The following NEK4 variants were observed in gnomAD, a reference collection of about 807,000 sequenced individuals.
The protein encoded by NEK4 is NIMA related kinase 4.
NEK4 carries 86 observed loss-of-function variants against 98.4 expected under a neutral mutation model. The observed-to-expected ratio is 0.87, with a 90% confidence interval of 0.73 to 1.05. NEK4 has a LOEUF of 1.05. Ranked by LOEUF, NEK4 falls within the 50% of genes least tolerant of loss-of-function variation. The probability of loss-of-function intolerance (pLI) is 0.00; values close to 1 mark genes in which losing one functional copy is unlikely to be tolerated. For missense variants in NEK4, 898 were observed against 950.3 expected, an observed-to-expected ratio of 0.94 and a Z score of 0.72; for synonymous variants, 328 against 342.2, an observed-to-expected ratio of 0.96 and a Z score of 0.46.
intron 12 of NEK4, among the ~76,000 whole-genome samples, chr3:52,742,628 G>A (rs922238415): frequency 6.6e-6 from 1 of 152,150 alleles, no homozygotes; most frequent in Admixed American, 6.5e-5. Flanking sequence ...ATCATCTACA[G>A]GCAAGAAGGT....
intron 15 of NEK4, among the ~76,000 whole-genome samples, chr3:52,730,010 A>C (rs980619170): frequency 6.6e-6 from 1 of 152,186 alleles, no homozygotes; most frequent in African/African-American, 2.4e-5. Flanking sequence ...CGGGAGCCTG[A>C]GGCAGGAGAA....
At position 52,711,708 on chromosome 3, in the gene NEK4, C is replaced by T; in HGVS notation, c.*69G>A. 1.1e-6 allele frequency: 1 copy of T among 907,990 alleles called. No homozygotes were observed. The highest frequency in any genetic ancestry group is 1.8e-6 in the Non-Finnish European group (1 of 547,844). 56.2% of individuals were successfully genotyped at this position (907,990 alleles called of 1,614,324 possible). On this transcript the variant is annotated 3_prime_UTR_variant, in exon 16 of 16. Transcript: ENST00000233027. ...TGAGTGGCTTCCAAATGACTGTTTG[C>T]CCTTGCTTTTTAAGCCAAAATCCTC...
chr3:52,745,203 G>A (rs2097394009), intron 10 of NEK4, among the ~76,000 whole-genome samples: 2 of 151,912 alleles, frequency 1.3e-5, no homozygotes, highest in Non-Finnish European at 1.5e-5. Flanking sequence ...ACAGGCGTGA[G>A]CCACCGCACC....
chr3:52,738,056 A>C (rs1220620598), intron 14 of NEK4, among the ~76,000 whole-genome samples: 1 of 150,490 alleles, frequency 6.6e-6, no homozygotes, highest in Non-Finnish European at 1.5e-5. Flanking sequence ...CTCGTGACCC[A>C]CCCACCTCAG....
At chr3:52,754,422 T>C (rs572132631) in intron 6 of NEK4, 3 of 537,914 alleles carry the variant, frequency 5.6e-6, no homozygotes, top group Non-Finnish European at 7.5e-6. Flanking sequence ...GCTGCAATAC[T>C]GTATGAGAAA....
intron 15 of NEK4, among the ~76,000 whole-genome samples, chr3:52,722,192 G>A (rs1006817467): frequency 2.0e-5 from 3 of 152,142 alleles, no homozygotes; most frequent in African/African-American, 4.8e-5. Flanking sequence ...GACCACCCTC[G>A]CATCCCCTCT....
intron 12 of NEK4, 66 bp downstream of exon 12, chr3:52,743,286 G>T: frequency 8.2e-7 from 1 of 1,216,046 alleles, no homozygotes; most frequent in Non-Finnish European, 1.2e-6. Context: ...ACATTTAAAA[G>T]GTTTACTGCA....
chr3:52,760,777 C>T lies in NEK4; in HGVS notation c.963+18G>A. The T allele has an allele frequency of 6.3e-7, 1 of 1,584,368 alleles. No homozygotes were observed. Among genetic ancestry groups the T allele is most frequent in the Non-Finnish European group, 8.6e-7 (1 of 1,163,764 alleles). On this transcript the variant is annotated intron_variant, in intron 6 of 15. Transcript: ENST00000233027. ...AAGTGCAGTTTCTAAAACACATACC[C>T]TTTAAAAAGAAACGTACCATTATAT...
intron 8 of NEK4, among the ~76,000 whole-genome samples, chr3:52,749,415 G>C (rs958981743): frequency 6.6e-6 from 1 of 151,900 alleles, no homozygotes; most frequent in Non-Finnish European, 1.5e-5. Context: ...TTACAGGCGT[G>C]AGCCACCATT....
intron 15 of NEK4, among the ~76,000 whole-genome samples, chr3:52,734,381 C>T (rs953823558): frequency 1.4e-4 from 21 of 146,616 alleles, no homozygotes; most frequent in African/African-American, 3.5e-4. Flanking sequence ...ACCCAGGAGG[C>T]GGAGGTTGCG....
chr3:52,746,616 A>G, intron 9 of NEK4, 118 bp downstream of exon 9: 2 of 870,482 alleles, frequency 2.3e-6, no homozygotes, highest in Non-Finnish European at 3.6e-6. Context: ...TGCCATTGTC[A>G]CCCTTCTGTA....
intron 5 of NEK4, among the ~76,000 whole-genome samples, chr3:52,761,793 A>C (rs1698367135): frequency 6.6e-6 from 1 of 152,188 alleles, no homozygotes; most frequent in South Asian, 2.1e-4. Flanking sequence ...GTTAATTTTC[A>C]TTTTCAAATT....
intron 15 of NEK4, 30 bp from the exon 16 acceptor site, chr3:52,711,899 A>G (rs565831449): frequency 3.2e-6 from 4 of 1,251,804 alleles, no homozygotes; most frequent in East Asian, 2.4e-5. Flanking sequence ...AAAATCAATC[A>G]GTATGTAGTA....
chr3:52,728,655 A>G (rs2097366768), intron 15 of NEK4, among the ~76,000 whole-genome samples: 1 of 152,188 alleles, frequency 6.6e-6, no homozygotes, highest in African/African-American at 2.4e-5. Context: ...AGGGAAGACA[A>G]CCATAAGGTC....
At chr3:52,716,117 G>T (rs1280844207) in intron 15 of NEK4, among the ~76,000 whole-genome samples, 2 of 152,222 alleles carry the variant, frequency 1.3e-5, no homozygotes, top group Non-Finnish European at 2.9e-5. Flanking sequence ...CACAGTGGCT[G>T]GACCCCATGC....
intron 6 of NEK4, among the ~76,000 whole-genome samples, chr3:52,756,045 A>G (rs1403305214): frequency 1.3e-4 from 20 of 152,210 alleles, no homozygotes; most frequent in Admixed American, 1.0e-3. Context: ...TAAAGAAGAC[A>G]TAAATAAATG....
chr3:52,727,757 C>A (rs1314676160), intron 15 of NEK4, among the ~76,000 whole-genome samples: 1 of 152,234 alleles, frequency 6.6e-6, no homozygotes, highest in Admixed American at 6.5e-5. Context: ...AGGCATAAGC[C>A]ACTGTGCCCA....
intron 6 of NEK4, among the ~76,000 whole-genome samples, chr3:52,758,030 T>A (rs1348797319): frequency 1.3e-5 from 2 of 151,212 alleles, no homozygotes. Context: ...ACAAAAAAAA[T>A]TAGCCAGATG....
At chr3:52,770,029 T>C (rs1354940003) in intron 1 of NEK4, among the ~76,000 whole-genome samples, 1 of 152,058 alleles carries the variant, frequency 6.6e-6, no homozygotes, top group Admixed American at 6.6e-5. Context: ...GCAGTAGAGA[T>C]GAGAGGAGGC....
Sources: gnomAD v4.1 joint callset for allele counts (sites outside exome capture counted in the v4.1 genomes callset) on GRCh38, gnomAD v4.1.1 for gene constraint, MANE v1.5 for transcripts, NCBI Gene and HGNC (gene_info 2026-07-23, HGNC 2026-07-21) for gene names.